The following PCDH15 variants were observed in gnomAD, a reference collection of about 807,000 sequenced individuals.
PCDH15 encodes protocadherin related 15, also known as protocadherin-15.
A neutral mutation model predicts 178.5 loss-of-function variants in PCDH15; 129 were observed. That is an observed-to-expected ratio of 0.72 (90% confidence interval 0.63 to 0.84). The LOEUF (loss-of-function observed/expected upper bound fraction) is 0.84, where lower values mean the gene tolerates loss of function less well. Among genes scored for constraint, PCDH15 ranks in the 40% least tolerant of loss-of-function variants. The probability of loss-of-function intolerance (pLI) is 0.00; values close to 1 mark genes in which losing one functional copy is unlikely to be tolerated. For missense variants in PCDH15, 2,230 were observed against 2,099.9 expected, an observed-to-expected ratio of 1.06 and a Z score of -1.21; for synonymous variants, 800 against 732.0, an observed-to-expected ratio of 1.09 and a Z score of -1.50.
chr10:54,247,881 A>AAAAATAT (rs1260841226), intron 8 of PCDH15, among the ~76,000 whole-genome samples: 1 of 148,554 alleles, frequency 6.7e-6, no homozygotes, highest in African/African-American at 2.5e-5. Context: ...AAAAAAAAGA[A>AAAAATAT]ATATGTATAT....
chr10:55,073,268 G>C (rs1418440642), intron 2 of PCDH15, among the ~76,000 whole-genome samples: 1 of 151,976 alleles, frequency 6.6e-6, no homozygotes, highest in Non-Finnish European at 1.5e-5. Context: ...GCAGGAGAAG[G>C]AAATAAAGGG....
chr10:54,001,107 A>T (rs984430253), intron 20 of PCDH15, among the ~76,000 whole-genome samples: 1 of 152,204 alleles, frequency 6.6e-6, no homozygotes, highest in African/African-American at 2.4e-5. Flanking sequence ...TTCAAACAGG[A>T]AGGAGAAATA....
At chr10:53,952,449 T>C (rs2087161833) in intron 23 of PCDH15, among the ~76,000 whole-genome samples, 1 of 152,184 alleles carries the variant, frequency 6.6e-6, no homozygotes, top group Admixed American at 6.5e-5. Flanking sequence ...GTTGTCCTGA[T>C]GTCTGCCTGA....
chr10:54,770,267 T>C (rs545818878), intron 1 of PCDH15, among the ~76,000 whole-genome samples: 23 of 152,270 alleles, frequency 1.5e-4, no homozygotes, highest in Admixed American at 1.3e-3. Context: ...CATGACATAT[T>C]ACATTCATCT....
chr10:55,348,335 T>C (rs1844818012), intron 2 of PCDH15, among the ~76,000 whole-genome samples: 1 of 152,162 alleles, frequency 6.6e-6, no homozygotes, highest in Non-Finnish European at 1.5e-5. Flanking sequence ...TGGAGAGTGT[T>C]GGTCCTGTTA....
intron 3 of PCDH15, among the ~76,000 whole-genome samples, chr10:54,488,837 T>C (rs2079330598): frequency 6.6e-6 from 1 of 151,924 alleles, no homozygotes; most frequent in Admixed American, 6.6e-5. Flanking sequence ...TCTCAAAAAA[T>C]GTAGTAGAAT....
intron 1 of PCDH15, among the ~76,000 whole-genome samples, chr10:55,215,631 G>T (rs191165834): frequency 5.9e-5 from 9 of 152,142 alleles, no homozygotes; most frequent in Non-Finnish European, 1.0e-4. Context: ...AATGTAAATT[G>T]ATAAGTGTTG....
At chr10:54,927,351 C>T (rs1214634233) in intron 2 of PCDH15, among the ~76,000 whole-genome samples, 1 of 151,802 alleles carries the variant, frequency 6.6e-6, no homozygotes, top group Non-Finnish European at 1.5e-5. Flanking sequence ...ATTTTGTGTC[C>T]AATTATGCAA....
intron 1 of PCDH15, among the ~76,000 whole-genome samples, chr10:55,264,380 C>G (rs1842227051): frequency 6.6e-6 from 1 of 152,184 alleles, no homozygotes; most frequent in East Asian, 1.9e-4. Context: ...GCCCAGGGAA[C>G]TCACAGGTTG....
chr10:54,301,113 C>A (rs867898274), intron 8 of PCDH15, among the ~76,000 whole-genome samples: 9 of 151,782 alleles, frequency 5.9e-5, no homozygotes, highest in Non-Finnish European at 1.0e-4. Context: ...GAAGAAACTC[C>A]AGACAGACCA....
chr10:55,163,481 G>A (rs1231154566), intron 2 of PCDH15, among the ~76,000 whole-genome samples: 2 of 152,196 alleles, frequency 1.3e-5, no homozygotes, highest in South Asian at 2.1e-4. Flanking sequence ...GTTATGAAGA[G>A]GGGCTGGGAA....
chr10:53,929,191 A>G (rs1193311032), intron 25 of PCDH15, among the ~76,000 whole-genome samples: 3 of 152,140 alleles, frequency 2.0e-5, no homozygotes, highest in Non-Finnish European at 4.4e-5. Flanking sequence ...TCAGAAATGT[A>G]TTAATAATAG....
At chr10:54,397,548 A>T (rs981462513) in intron 3 of PCDH15, among the ~76,000 whole-genome samples, 9 of 152,094 alleles carry the variant, frequency 5.9e-5, no homozygotes, top group Non-Finnish European at 5.9e-5. Context: ...AACCTTAATT[A>T]GTCAAGTTCT....
chr10:54,805,804 T>C (rs1591711376), upstream of PCDH15, among the ~76,000 whole-genome samples: 1 of 152,178 alleles, frequency 6.6e-6, no homozygotes, highest in Non-Finnish European at 1.5e-5. Flanking sequence ...AAATTATAGG[T>C]GTATAATAAA....
chr10:54,071,965 TTA>T (rs887429272), intron 17 of PCDH15, among the ~76,000 whole-genome samples: 2 of 152,122 alleles, frequency 1.3e-5, no homozygotes, highest in Non-Finnish European at 2.9e-5. Flanking sequence ...ATGAATATTT[TTA>T]GATACTTTAA....
chr10:53,898,620 A>C (rs756249539), intron 26 of PCDH15, among the ~76,000 whole-genome samples: 1 of 152,176 alleles, frequency 6.6e-6, no homozygotes, highest in Admixed American at 6.5e-5. Context: ...TAAATGTGAC[A>C]TGAGCCTTCA....
At chr10:54,930,092 G>A (rs73264087) in intron 2 of PCDH15, among the ~76,000 whole-genome samples, 8,556 of 152,164 alleles carry the variant, frequency 0.056, 765 homozygotes, top group African/African-American at 0.19. Flanking sequence ...GTCTACCTGG[G>A]GGCTAGGCAT....
intron 3 of PCDH15, among the ~76,000 whole-genome samples, chr10:54,833,858 C>T (rs573094286): frequency 1.3e-5 from 2 of 152,252 alleles, no homozygotes; most frequent in African/African-American, 4.8e-5. Context: ...TATGTTGGGG[C>T]TTTCCTCTTC....
chr10:54,381,525 C>A (rs1004815761), intron 3 of PCDH15, among the ~76,000 whole-genome samples: 3 of 152,072 alleles, frequency 2.0e-5, no homozygotes, highest in South Asian at 2.1e-4. Flanking sequence ...TAAATGTATT[C>A]TCTTCTTTGA....
Sources: gnomAD v4.1 joint callset for allele counts (sites outside exome capture counted in the v4.1 genomes callset) on GRCh38, gnomAD v4.1.1 for gene constraint, MANE v1.5 for transcripts, NCBI Gene and HGNC (gene_info 2026-07-23, HGNC 2026-07-21) for gene names.